VDAC1: variants seen among roughly 807,000 people sequenced by gnomAD.
The protein encoded by VDAC1 is voltage dependent anion channel 1.
A neutral mutation model predicts 34.7 loss-of-function variants in VDAC1; 10 were observed. The observed-to-expected ratio is 0.29, with a 90% CI of 0.18 to 0.49. The LOEUF is 0.49. Among genes scored for constraint, VDAC1 ranks in the 20% least tolerant of loss-of-function variants. The probability of loss-of-function intolerance (pLI) is 0.99; values close to 1 mark genes in which losing one functional copy is unlikely to be tolerated. For missense variants in VDAC1, 230 were observed against 347.9 expected (o/e 0.66, Z 2.69); for synonymous variants, 130 against 136.0 (o/e 0.96, Z 0.30).
At chr5:134,042,015 G>A in the VDAC1 span, among the ~76,000 whole-genome samples, 1 of 152,226 alleles carries the variant, frequency 6.6e-6, no homozygotes, top group African/African-American at 2.4e-5. Flanking sequence ...AAGCAGCTCT[G>A]TGGGTTTGCA....
Position 133,980,698 on chromosome 5 carries a change from CTCCCACCCTGCTG to C in VDAC1, c.551+18_551+30del. 6.8e-6 allele frequency: 5 copies of C among 739,326 alleles called. No individual in the cohort carries two copies. The highest frequency in any genetic ancestry group is 1.2e-5 in the Non-Finnish European group (5 of 419,406). The allele number at this position is 739,326 out of a possible 1,614,324, so 45.8% of individuals were successfully genotyped here. A position where few individuals can be genotyped will look rare whatever the true frequency, so the allele number is the denominator to read the frequency against. On this transcript the variant is annotated intron_variant, in intron 6 of 8. Coordinates refer to ENST00000265333, the MANE Select transcript of VDAC1 (RefSeq NM_003374.3). ...TACCACACATGCTCCAACCCCACCC[CTCCCACCCTGCTG>C]CCCCCATGTACACTTACACATTAGT...
the VDAC1 span, among the ~76,000 whole-genome samples, chr5:134,012,148 G>A: frequency 6.6e-6 from 1 of 152,194 alleles, no homozygotes; most frequent in African/African-American, 2.4e-5. Flanking sequence ...GCCAAGGAAT[G>A]CAGGCAACCT....
At chr5:134,007,592 T>C (rs542402492), upstream of VDAC1, among the ~76,000 whole-genome samples, 2 of 151,604 alleles carry the variant, frequency 1.3e-5, no homozygotes, top group East Asian at 3.9e-4. Context: ...TGGGTCAGGG[T>C]TGGGCCCCTG....
the VDAC1 span, among the ~76,000 whole-genome samples, chr5:134,080,719 T>C: frequency 6.6e-6 from 1 of 152,206 alleles, no homozygotes; most frequent in Non-Finnish European, 1.5e-5. Flanking sequence ...TTCCTGGACA[T>C]GGTTCTATTC....
At chr5:134,032,610 G>A in the VDAC1 span, among the ~76,000 whole-genome samples, 1 of 152,180 alleles carries the variant, frequency 6.6e-6, no homozygotes, top group Non-Finnish European at 1.5e-5. Flanking sequence ...CCACAATGGA[G>A]TAGTATGCAG....
the VDAC1 span, among the ~76,000 whole-genome samples, chr5:134,113,209 T>TC: frequency 6.6e-6 from 1 of 151,818 alleles, no homozygotes; most frequent in Non-Finnish European, 1.5e-5. Flanking sequence ...ATGGGCAGGG[T>TC]CCCCCTCATC....
At chr5:134,077,664 G>T in the VDAC1 span, among the ~76,000 whole-genome samples, 3 of 152,194 alleles carry the variant, frequency 2.0e-5, no homozygotes, top group Admixed American at 6.5e-5. Context: ...CTATGAGGCA[G>T]GTACTTTCCA....
chr5:134,110,178 A>G, the VDAC1 span, among the ~76,000 whole-genome samples: 133 of 152,370 alleles, frequency 8.7e-4, 1 homozygote, highest in African/African-American at 2.9e-3. Flanking sequence ...TAATTTGCCC[A>G]TCACCTCTCA....
At chr5:133,977,329 A>G (rs369755035) in intron 6 of VDAC1, among the ~76,000 whole-genome samples, 9 of 152,196 alleles carry the variant, frequency 5.9e-5, no homozygotes, top group South Asian at 2.1e-4. Flanking sequence ...TTTGAAAGGG[A>G]GCTTTTTGCT....
At chr5:134,042,432 T>C in the VDAC1 span, among the ~76,000 whole-genome samples, 71 of 152,280 alleles carry the variant, frequency 4.7e-4, no homozygotes, top group African/African-American at 1.6e-3. Flanking sequence ...CGTGGTAACT[T>C]CTAGCCAGTA....
At chr5:134,004,818 T>G (rs1753704420) in intron 1 of VDAC1, 77 bp downstream of exon 1, 1 of 150,010 alleles carries the variant, frequency 6.7e-6, no homozygotes, top group African/African-American at 2.4e-5. Flanking sequence ...CCCGGCGCGC[T>G]CCGCCCCCAG....
At chr5:134,056,331 G>T in the VDAC1 span, among the ~76,000 whole-genome samples, 1 of 150,852 alleles carries the variant, frequency 6.6e-6, no homozygotes. Context: ...AGTACATAAA[G>T]ATGTGCAGCT....
the VDAC1 span, among the ~76,000 whole-genome samples, chr5:134,034,705 G>A: frequency 3.3e-5 from 5 of 152,254 alleles, no homozygotes; most frequent in East Asian, 9.7e-4. Flanking sequence ...GGACACTAAT[G>A]CAAGGTGCAT....
the VDAC1 span, among the ~76,000 whole-genome samples, chr5:134,076,180 C>T: frequency 0.092 from 13,933 of 152,082 alleles, 953 homozygotes; most frequent in East Asian, 0.29. Context: ...GATTGCACCA[C>T]GTTGGTCAGG....
chr5:133,980,943 T>C lies in VDAC1; in HGVS notation c.337A>G (p.Lys113Glu). The C allele has an allele frequency of 6.2e-7, 1 of 1,614,018 alleles. No individual in the cohort carries two copies. The highest frequency in any genetic ancestry group is 8.5e-7 in the Non-Finnish European group (1 of 1,179,978). ...TCCCGCTTGTACCCTGTCTTGATTTTAGCATTTTTTTTCCTGAAGGAAAAT... is the reference window on the plus strand; with the variant it reads ...TCCCGCTTGTACCCTGTCTTGATTTCAGCATTTTTTTTCCTGAAGGAAAAT... Reference protein sequence around the residue: ...FSPNTGKKNAKIKTGYKREHI... With the variant: ...FSPNTGKKNAEIKTGYKREHI... The change falls in exon 6 of 9, where the codon AAA becomes GAA. Residue 113 changes from lysine to glutamate, a missense_variant. Lys to Glu is a moderately conservative substitution (Grantham distance 56). Transcript: ENST00000265333.
chr5:134,035,213 A>C, the VDAC1 span, among the ~76,000 whole-genome samples: 1 of 152,162 alleles, frequency 6.6e-6, no homozygotes, highest in Non-Finnish European at 1.5e-5. Flanking sequence ...GATGTGCTAA[A>C]CAAAGTAATA....
At chr5:134,063,236 T>C in the VDAC1 span, among the ~76,000 whole-genome samples, 3 of 152,216 alleles carry the variant, frequency 2.0e-5, no homozygotes, top group South Asian at 6.2e-4. Context: ...CTCCAGTCTT[T>C]GTTTGGATTT....
At chr5:134,060,686 G>C in the VDAC1 span, among the ~76,000 whole-genome samples, 7 of 151,338 alleles carry the variant, frequency 4.6e-5, no homozygotes, top group Non-Finnish European at 8.9e-5. Flanking sequence ...AAATGGTCTT[G>C]GTAAAATTCT....
chr5:134,037,797 CTCTT>C, the VDAC1 span, among the ~76,000 whole-genome samples: 1 of 152,118 alleles, frequency 6.6e-6, no homozygotes, highest in Non-Finnish European at 1.5e-5. Flanking sequence ...CAATAAATGC[CTCTT>C]TCTCTCACTG....
Sources: gnomAD v4.1 joint callset for allele counts (sites outside exome capture counted in the v4.1 genomes callset) on GRCh38, gnomAD v4.1.1 for gene constraint, MANE v1.5 for transcripts, NCBI Gene and HGNC (gene_info 2026-07-23, HGNC 2026-07-21) for gene names.